YY1: variants seen among roughly 807,000 people sequenced by gnomAD.
YY1 encodes the protein YY1 transcription factor.
A neutral mutation model predicts 35.6 loss-of-function variants in YY1; 2 were observed. The observed-to-expected ratio is 0.06, with a 90% CI of 0.02 to 0.18. The LOEUF (loss-of-function observed/expected upper bound fraction) is 0.18. Ranked by LOEUF, YY1 falls within the 10% of genes least tolerant of loss-of-function variation. YY1 has a pLI of 1.00. For missense variants in YY1, 322 were observed against 573.4 expected (o/e 0.56, Z 4.48); for synonymous variants, 268 against 238.9 (o/e 1.12, Z -1.12).
At position 100,277,638 on chromosome 14, in the gene YY1, TC is replaced by T; in HGVS notation, c.*39del. The T allele has an allele frequency of 6.2e-7, 1 of 1,603,586 alleles. No homozygotes were observed. Among genetic ancestry groups the T allele is most frequent in the Non-Finnish European group, 8.5e-7 (1 of 1,171,284 alleles). ...AGACCCTTCTCGACCACGGGAAGCATCTTCCAGAAGTGTGATTGGGAATAAA... is the reference window on the plus strand; with the variant it reads ...AGACCCTTCTCGACCACGGGAAGCATTTCCAGAAGTGTGATTGGGAATAAA... On this transcript the variant is annotated 3_prime_UTR_variant, in exon 5 of 5. Coordinates refer to ENST00000262238, the MANE Select transcript of YY1 (RefSeq NM_003403.5). This position sits in a 1 kb window ranked among gnomAD's most constrained non-coding sequence, Gnocchi z 5.6.
intron 1 of YY1, among the ~76,000 whole-genome samples, chr14:100,253,355 A>G (rs1890952223): frequency 6.6e-6 from 1 of 152,206 alleles, no homozygotes; most frequent in South Asian, 2.1e-4. Flanking sequence ...AATCTTTTTC[A>G]GTAGTAATTA....
chr14:100,252,300 T>C (rs1280145820), intron 1 of YY1, among the ~76,000 whole-genome samples: 2 of 152,206 alleles, frequency 1.3e-5, no homozygotes, highest in Non-Finnish European at 1.5e-5. Flanking sequence ...ATTATTGCTT[T>C]GGTAACATAG....
rs188577337 is a variant in YY1, at chr14:100,267,829, T to A, written c.842+5363T>A. 1.8e-3 allele frequency among the ~76,000 whole-genome samples: 267 copies of A among 152,338 alleles called. 1 individual carries two copies. The highest frequency in any genetic ancestry group is 1.5e-3 in the Non-Finnish European group (99 of 68,032). On this transcript the variant is annotated intron_variant, in intron 2 of 4. Transcript: ENST00000262238. ...GAGCCACTGCGCCCGGCCTCTAACA[T>A]AGTAGCTCTTGAAGCTCATGTTCAT...
rs1472371112 is a variant in YY1 at position 100,282,191 on chromosome 14, G to A, written c.*4591G>A. On this transcript the variant is annotated 3_prime_UTR_variant, in exon 5 of 5. Transcript: ENST00000262238. ...CGCCAGCATTCTGGATGTCAGAGGA[G>A]GGTGCGTGTGATGGCGTCACATTCA... 1 of 152,196 alleles carries A rather than the reference G, an allele frequency of 6.6e-6. No individual in the cohort carries two copies. Among genetic ancestry groups the A allele is most frequent in the East Asian group, 1.9e-4 (1 of 5,194 alleles). 9.4% of individuals were successfully genotyped at this position (152,196 alleles called of 1,614,324 possible).
At chr14:100,275,512 A>C (rs913840906) in intron 3 of YY1, among the ~76,000 whole-genome samples, 7 of 152,188 alleles carry the variant, frequency 4.6e-5, no homozygotes, top group African/African-American at 1.4e-4. Flanking sequence ...GCATTTGAAA[A>C]CAGTTAGGCT....
intron 1 of YY1, among the ~76,000 whole-genome samples, chr14:100,253,749 A>G (rs1286024089): frequency 3.3e-5 from 5 of 152,212 alleles, no homozygotes; most frequent in Non-Finnish European, 7.4e-5. Context: ...AGCCTCCCAA[A>G]GTACTGGGAT....
intron 1 of YY1, among the ~76,000 whole-genome samples, chr14:100,241,306 A>G (rs1207297481): frequency 6.6e-6 from 1 of 152,202 alleles, no homozygotes; most frequent in African/African-American, 2.4e-5. Flanking sequence ...TGGAGACTCA[A>G]AATATGGTGA....
intron 1 of YY1, among the ~76,000 whole-genome samples, chr14:100,248,019 A>G (rs1483800372): frequency 6.6e-6 from 1 of 151,602 alleles, no homozygotes; most frequent in Non-Finnish European, 1.5e-5. Flanking sequence ...GATCTGGCTC[A>G]CTGCAACCTC....
chr14:100,271,710 C>T (rs563982372), intron 2 of YY1, among the ~76,000 whole-genome samples: 4 of 152,056 alleles, frequency 2.6e-5, no homozygotes, highest in African/African-American at 7.2e-5. Context: ...GTTCTGTCAC[C>T]GAAGTTGGAT....
intron 1 of YY1, among the ~76,000 whole-genome samples, chr14:100,254,513 A>T (rs1229227107): frequency 1.3e-5 from 2 of 152,178 alleles, no homozygotes; most frequent in South Asian, 4.1e-4. Context: ...GCTGGAGTGC[A>T]GTGGTGCAAT....
rs1160705507 is a variant in YY1 at position 100,282,452 on chromosome 14, A to G, written c.*4852A>G. The G allele has an allele frequency of 6.6e-6, 1 of 152,174 alleles. No individual in the cohort carries two copies. The highest frequency in any genetic ancestry group is 2.4e-5 in the African/African-American group (1 of 41,430). 9.4% of individuals were successfully genotyped at this position (152,174 alleles called of 1,614,324 possible). ...AAACGGAACAACCTCTTTTTTCTACATTGTCCATACCCGGACATGTGAGGC... is the reference window on the plus strand; with the variant it reads ...AAACGGAACAACCTCTTTTTTCTACGTTGTCCATACCCGGACATGTGAGGC... On this transcript the variant is annotated 3_prime_UTR_variant, in exon 5 of 5. Transcript: ENST00000262238.
chr14:100,274,002 G>T (rs1390000718), intron 2 of YY1, among the ~76,000 whole-genome samples: 1 of 152,144 alleles, frequency 6.6e-6, no homozygotes, highest in Admixed American at 6.6e-5. Flanking sequence ...CCATCCAGAA[G>T]TAGGGTAACA....
intron 2 of YY1, among the ~76,000 whole-genome samples, chr14:100,272,378 A>C (rs1891254130): frequency 6.6e-6 from 1 of 151,918 alleles, no homozygotes; most frequent in East Asian, 1.9e-4. Context: ...TATCGGACCA[A>C]CTCCATGGAG....
chr14:100,263,421 A>G (rs934918593), intron 2 of YY1, among the ~76,000 whole-genome samples: 8 of 152,090 alleles, frequency 5.3e-5, no homozygotes, highest in Admixed American at 2.6e-4. Context: ...CAGTGGAGAA[A>G]CTCTGAACCC....
chr14:100,258,603 T>C (rs1891036903), intron 1 of YY1, among the ~76,000 whole-genome samples: 1 of 152,202 alleles, frequency 6.6e-6, no homozygotes, highest in Non-Finnish European at 1.5e-5. Flanking sequence ...TCCGCCCGCC[T>C]CGGCTTCCCA....
intron 2 of YY1, among the ~76,000 whole-genome samples, chr14:100,263,314 A>C (rs1164611234): frequency 6.6e-6 from 1 of 152,186 alleles, no homozygotes; most frequent in African/African-American, 2.4e-5. Flanking sequence ...GATTTCATAA[A>C]TTCGTGTTTG....
chr14:100,239,823 GGGC>G lies in YY1; in HGVS notation c.590_592del (p.Gly197del), dbSNP rs1306986688. On this transcript the variant is annotated inframe_deletion, in exon 1 of 5. Transcript: ENST00000262238. The stretch of plus-strand genomic sequence containing the variant: ...ACCTCAGCGGCGGGGCCGGCGCGGC[GGGC>G]GGCGGCGGCGCCGACCCGGGCAACA... The G allele has an allele frequency of 3.4e-6, 5 of 1,475,586 alleles. No homozygotes were observed. Among genetic ancestry groups the G allele is most frequent in the Admixed American group, 2.5e-5 (1 of 39,798 alleles). 91.4% of individuals were successfully genotyped at this position (1,475,586 alleles called of 1,614,324 possible).
At chr14:100,270,757 C>T (rs1891226262) in intron 2 of YY1, among the ~76,000 whole-genome samples, 1 of 152,168 alleles carries the variant, frequency 6.6e-6, no homozygotes, top group South Asian at 2.1e-4. Context: ...GACAAACAGT[C>T]ATGTAGCCAT....
intron 1 of YY1, among the ~76,000 whole-genome samples, chr14:100,248,679 C>CTT (rs11415073): frequency 0.034 from 3,554 of 104,958 alleles, 88 homozygotes; most frequent in Non-Finnish European, 0.05. Flanking sequence ...GAGTAAAATT[C>CTT]TTTTTTTTTT....
Sources: gnomAD v4.1 joint callset for allele counts (sites outside exome capture counted in the v4.1 genomes callset) on GRCh38, gnomAD v4.1.1 for gene constraint, Gnocchi (gnomAD v3.1) non-coding constraint, MANE v1.5 for transcripts, NCBI Gene and HGNC (gene_info 2026-07-23, HGNC 2026-07-21) for gene names.